MYOM2: variants seen among roughly 807,000 people sequenced by gnomAD.
The protein encoded by MYOM2 is myomesin 2, also known as myomesin-2.
A neutral mutation model predicts 187.6 loss-of-function variants in MYOM2; 254 were observed. That is an observed-to-expected ratio of 1.35 (90% CI 1.22 to 1.50). The LOEUF (loss-of-function observed/expected upper bound fraction) is 1.50, where lower values mean the gene tolerates loss of function less well. Among genes scored for constraint, MYOM2 ranks in the 40% most tolerant of loss-of-function variants. MYOM2 has a pLI of 0.00. For missense variants in MYOM2, 2,796 were observed against 1,924.0 expected, an observed-to-expected ratio of 1.45 and a Z score of -8.48; for synonymous variants, 981 against 753.8, an observed-to-expected ratio of 1.30 and a Z score of -4.94.
Position 2,091,016 on chromosome 8 carries a change from C to CTTTTTT in MYOM2, c.1828+840_1828+845dup, listed in dbSNP as rs35873643. Among the ~76,000 whole-genome samples the CTTTTTT allele has an allele frequency of 6.4e-3, 556 of 86,406 alleles. 7 individuals are homozygous for CTTTTTT. The highest frequency in any genetic ancestry group is 0.021 in the African/African-American group (459 of 22,254). 56.7% of individuals were successfully genotyped at this position (86,406 alleles called of 152,430 possible). ...GGGATTGCTAGGTTGAATGATAGTTCTTTTTTTTTTTTTTTTTTTTGGCTC... is the reference window on the plus strand; with the variant it reads ...GGGATTGCTAGGTTGAATGATAGTTCTTTTTTTTTTTTTTTTTTTTTTTTTTGGCTC... On this transcript the variant is annotated intron_variant, in intron 15 of 36. Transcript: ENST00000262113.
At chr8:2,134,301 C>T (rs34789086) in intron 32 of MYOM2, among the ~76,000 whole-genome samples, 19,806 of 152,022 alleles carry the variant, frequency 0.13, 2,177 homozygotes, top group African/African-American at 0.28. Flanking sequence ...GTCAGTCACT[C>T]GGAAGCACGC....
chr8:2,105,305 C>G (rs1411117455), intron 21 of MYOM2, among the ~76,000 whole-genome samples: 1 of 152,170 alleles, frequency 6.6e-6, no homozygotes, highest in Non-Finnish European at 1.5e-5. Flanking sequence ...TTCTTCATAA[C>G]CCGAGAGCAC....
At chr8:2,057,839 A>G in intron 5 of MYOM2, 59 bp downstream of exon 5, 1 of 1,572,266 alleles carries the variant, frequency 6.4e-7, no homozygotes, top group Non-Finnish European at 8.7e-7. Context: ...TTTCAGAAAG[A>G]CCCCAGTTAA....
Position 2,123,586 on chromosome 8 carries a change from C to T in MYOM2, c.3599C>T (p.Ala1200Val). 4 of 1,614,148 alleles carry T rather than the reference C, an allele frequency of 2.5e-6. No homozygotes were observed. The highest frequency in any genetic ancestry group is 2.5e-6 in the Non-Finnish European group (3 of 1,180,006). ...AAGAAGGACCACGGTGAATACAAGG[C>T]AACCTTGAAAGATGACAGAGGCCAA... The part of the protein sequence containing the change: ...LSKKDHGEYK[A>V]TLKDDRGQDV... Residue 1200 changes from alanine to valine, a missense_variant, in exon 30 of 37, where the codon GCA (alanine) becomes GTA (valine). Ala to Val is a moderately conservative substitution (Grantham distance 64). Transcript: ENST00000262113.
chr8:2,051,642 A>C (rs758256406), intron 2 of MYOM2, among the ~76,000 whole-genome samples: 1 of 152,206 alleles, frequency 6.6e-6, no homozygotes, highest in Non-Finnish European at 1.5e-5. Flanking sequence ...GGGTGTCTCA[A>C]ATCCCTCAAG....
intron 10 of MYOM2, 59 bp downstream of exon 10, chr8:2,073,559 G>T: frequency 6.6e-7 from 1 of 1,516,500 alleles, no homozygotes; most frequent in East Asian, 2.3e-5. Context: ...AGGGGAGGCA[G>T]CCCTGGGAGG....
At chr8:2,077,950 C>G (rs1246528045) in intron 11 of MYOM2, among the ~76,000 whole-genome samples, 1 of 152,182 alleles carries the variant, frequency 6.6e-6, no homozygotes, top group African/African-American at 2.4e-5. Flanking sequence ...GATCAGACAG[C>G]TTTCATTAAA....
At chr8:2,106,654 T>A in intron 23 of MYOM2, 57 bp downstream of exon 23, 1 of 1,253,434 alleles carries the variant, frequency 8.0e-7, no homozygotes, top group Non-Finnish European at 1.1e-6. Flanking sequence ...TTTCAAAGAT[T>A]GACACCAACA....
rs2280910 is a variant in MYOM2, at chr8:2,144,656, G to A, written c.4081-8G>A. The stretch of plus-strand genomic sequence containing the variant: ...TCTTCCTTCTCCACCAACCTCTTCC[G>A]TCCAAAGACCTTGAATCTGACCTGC... On this transcript the variant is annotated splice_polypyrimidine_tract_variant and splice_region_variant and intron_variant, in intron 36 of 36. Coordinates refer to ENST00000262113, the MANE Select transcript of MYOM2 (RefSeq NM_003970.4). 40 of 1,612,822 alleles carry A rather than the reference G, an allele frequency of 2.5e-5. No homozygotes were observed. Among genetic ancestry groups the A allele is most frequent in the Admixed American group, 1.0e-4 (6 of 59,470 alleles).
intron 31 of MYOM2, among the ~76,000 whole-genome samples, chr8:2,125,436 C>T (rs377162778): frequency 1.3e-5 from 2 of 152,146 alleles, no homozygotes; most frequent in East Asian, 1.9e-4. Flanking sequence ...TATCCTGTTC[C>T]ATTGGCCGAT....
rs1469132272 is a variant in MYOM2 at position 2,085,691 on chromosome 8, G to T, written c.1644+301G>T. Among the ~76,000 whole-genome samples the T allele has an allele frequency of 1.5e-4, 3 of 20,162 alleles. 1 individual carries two copies. Among genetic ancestry groups the T allele is most frequent in the Non-Finnish European group, 2.5e-4 (3 of 11,948 alleles). The allele number at this position is 20,162 out of a possible 152,430, so 13.2% of individuals were successfully genotyped here. A position where few individuals can be genotyped will look rare whatever the true frequency, so the allele number is the denominator to read the frequency against. ...GCGTGGCCCCACTGTCGTGATCTCT[G>T]CGTGGCCCCCCACTGTCGTGATCTC... On this transcript the variant is annotated intron_variant, in intron 14 of 36. Transcript: ENST00000262113.
At chr8:2,110,334 C>A (rs543985206) in intron 25 of MYOM2, among the ~76,000 whole-genome samples, 1 of 152,100 alleles carries the variant, frequency 6.6e-6, no homozygotes, top group Non-Finnish European at 1.5e-5. Flanking sequence ...ACAACAACAA[C>A]AAAAAAGGCA....
chr8:2,106,117 G>A, intron 21 of MYOM2, 125 bp from the exon 22 acceptor site: 3 of 954,488 alleles, frequency 3.1e-6, no homozygotes, highest in Non-Finnish European at 4.8e-6. Flanking sequence ...CTCTACACTT[G>A]GGGATTACAA....
At chr8:2,120,718 A>C (rs1797423254) in intron 28 of MYOM2, among the ~76,000 whole-genome samples, 1 of 44,624 alleles carries the variant, frequency 2.2e-5, no homozygotes, top group Non-Finnish European at 4.5e-5. Flanking sequence ...TTAATTGCCA[A>C]TCTAATTGCT....
In MYOM2 at chr8:2,052,202, G is replaced by T. The variant is rs142861306; in HGVS notation, c.152G>T (p.Arg51Leu). 1.7e-5 allele frequency: 28 copies of T among 1,613,234 alleles called. No individual in the cohort carries two copies. Among genetic ancestry groups the T allele is most frequent in the African/African-American group, 4.0e-5 (3 of 74,922 alleles). ...TCTTCCCAGAAGTCCTTGAGTCAGC[G>T]GTCGTCTTCACAGAGAGCCTCCAGC... ...QASSQKSLSQRSSSQRASSQT... is the reference protein window; with the variant it reads ...QASSQKSLSQLSSSQRASSQT... The change falls in exon 3 of 37, where the codon CGG becomes CTG. Residue 51 changes from arginine to leucine, a missense_variant. Coordinates refer to ENST00000262113, the MANE Select transcript of MYOM2 (RefSeq NM_003970.4).
Position 2,048,271 on chromosome 8 carries a change from G to A in MYOM2, c.-12-2484G>A, listed in dbSNP as rs567504976. 1.3e-4 allele frequency among the ~76,000 whole-genome samples: 20 copies of A among 152,298 alleles called. No homozygotes were observed. The East Asian group carries it at 2.5e-3, about 19-fold the overall frequency. ...CCAGAAGAACCTTGGATAGGAAACC[G>A]GATGGAAGCTGAAACGTCTTCCCCA... On this transcript the variant is annotated intron_variant, in intron 1 of 36. Transcript: ENST00000262113.
chr8:2,055,422 G>T (rs1273725067), intron 3 of MYOM2, among the ~76,000 whole-genome samples: 1 of 152,136 alleles, frequency 6.6e-6, no homozygotes, highest in African/African-American at 2.4e-5. Context: ...AGGTTGGGAG[G>T]AATCTACCCC....
At chr8:2,142,502 A>G in intron 35 of MYOM2, 105 bp downstream of exon 35, 2 of 1,142,668 alleles carry the variant, frequency 1.8e-6, no homozygotes, top group African/African-American at 1.5e-5. Context: ...ATAACCAGCA[A>G]TCCCCCACCC....
At chr8:2,108,876 GGA>G in intron 24 of MYOM2, 46 bp downstream of exon 24, 1 of 1,591,684 alleles carries the variant, frequency 6.3e-7, no homozygotes, top group Non-Finnish European at 8.6e-7. Context: ...GCTGCTGGCT[GGA>G]GGGCCGTGTT....
Sources: allele counts gnomAD v4.1 joint callset (sites outside exome capture counted in the v4.1 genomes callset), GRCh38; gene constraint gnomAD v4.1.1; transcripts MANE v1.5; gene names NCBI Gene and HGNC (gene_info 2026-07-23, HGNC 2026-07-21).